The following SLC7A14 variants were observed in gnomAD, a reference collection of about 807,000 sequenced individuals.
SLC7A14 encodes solute carrier family 7 member 14.
A neutral mutation model predicts 60.2 loss-of-function variants in SLC7A14; 37 were observed. That is an observed-to-expected ratio of 0.61 (90% CI 0.47 to 0.81). The LOEUF is 0.81. Ranked by LOEUF, SLC7A14 falls within the 30% of genes least tolerant of loss-of-function variation. The probability of loss-of-function intolerance (pLI) is 0.00; values close to 1 mark genes in which losing one functional copy is unlikely to be tolerated. For missense variants in SLC7A14, 886 were observed against 982.7 expected (o/e 0.90, Z 1.32); for synonymous variants, 399 against 395.8 (o/e 1.01, Z -0.10).
chr3:170,479,706 T>C (rs1016380756), intron 7 of SLC7A14, among the ~76,000 whole-genome samples: 3 of 152,178 alleles, frequency 2.0e-5, no homozygotes, highest in African/African-American at 7.2e-5. Context: ...AGAAAGGACC[T>C]TGGGAAATAT....
chr3:170,537,753 GTTTA>G (rs1191403644), intron 1 of SLC7A14, among the ~76,000 whole-genome samples: 1 of 152,200 alleles, frequency 6.6e-6, no homozygotes, highest in Admixed American at 6.5e-5. Flanking sequence ...CGCTGAAGTG[GTTTA>G]TTTGAGGCCA....
intron 2 of SLC7A14, among the ~76,000 whole-genome samples, chr3:170,506,648 A>G (rs1214205224): frequency 6.6e-6 from 1 of 152,216 alleles, no homozygotes; most frequent in Non-Finnish European, 1.5e-5. Flanking sequence ...GCCTACATGC[A>G]ATGTTGACCT....
intron 1 of SLC7A14, among the ~76,000 whole-genome samples, chr3:170,540,346 T>C (rs1713983176): frequency 6.6e-6 from 1 of 152,158 alleles, no homozygotes; most frequent in African/African-American, 2.4e-5. Flanking sequence ...ATGTAGAAGT[T>C]CCATGTAGCT....
At chr3:170,526,527 G>T in intron 2 of SLC7A14, 106 bp downstream of exon 2, 1 of 1,383,324 alleles carries the variant, frequency 7.2e-7, no homozygotes, top group South Asian at 1.4e-5. Context: ...CCACTTTTCT[G>T]CCACTTCATA....
At chr3:170,531,401 T>C (rs1713676906) in intron 1 of SLC7A14, among the ~76,000 whole-genome samples, 1 of 152,058 alleles carries the variant, frequency 6.6e-6, no homozygotes, top group African/African-American at 2.4e-5. Context: ...AAACCAGCCT[T>C]TTTATGAAAG....
rs138193832 is a variant in SLC7A14, at chr3:170,516,161, CTGAAT to C, written c.304+10467_304+10471del. On this transcript the variant is annotated intron_variant, in intron 2 of 7. Transcript: ENST00000231706. ...TTCTATTAAAATGTGCTCACCTTCT[CTGAAT>C]TGGTTAACTGACATCCTTCCTACAG... Among the ~76,000 whole-genome samples the C allele has an allele frequency of 1.4e-4, 22 of 152,342 alleles. No individual in the cohort carries two copies. In the East Asian group the frequency reaches 4.1e-3, roughly 28 times the overall value.
chr3:170,559,629 ATGCCACAGTTTTTCTTT>A (rs1297721536), intron 1 of SLC7A14, among the ~76,000 whole-genome samples: 3 of 152,222 alleles, frequency 2.0e-5, no homozygotes, highest in African/African-American at 7.2e-5. Flanking sequence ...TTCTAATTAA[ATGCCACAGTTTTTCTTT>A]TAAAATTACT....
intron 1 of SLC7A14, among the ~76,000 whole-genome samples, chr3:170,527,959 A>G (rs1199060550): frequency 6.6e-6 from 1 of 152,210 alleles, no homozygotes; most frequent in East Asian, 1.9e-4. Context: ...ATTATAATGT[A>G]TTTAGTTTGG....
At chr3:170,502,690 A>G (rs949909104) in intron 2 of SLC7A14, 1 of 152,242 alleles carries the variant, frequency 6.6e-6, no homozygotes, top group Admixed American at 6.5e-5. Flanking sequence ...GAATAAAGAG[A>G]GCAGGTTTCT....
chr3:170,501,515 A>T (rs973555393), intron 2 of SLC7A14, among the ~76,000 whole-genome samples, 170 bp from the exon 3 acceptor site: 59 of 152,188 alleles, frequency 3.9e-4, no homozygotes, highest in African/African-American at 1.3e-3. Context: ...TTCCAACCTC[A>T]CTTCTGAAAA....
At chr3:170,504,876 T>C (rs1036536752) in intron 2 of SLC7A14, among the ~76,000 whole-genome samples, 1 of 152,146 alleles carries the variant, frequency 6.6e-6, no homozygotes, top group African/African-American at 2.4e-5. Context: ...TTTGGAAATA[T>C]GTGGGAGTGT....
rs960916236 is a variant in SLC7A14, at chr3:170,462,557, C to G, written c.*4498G>C. ...AGATTTATCATGACCATTATGTAGG[C>G]ATTTGATTAGCTACTAGTTTGTTAC... On this transcript the variant is annotated 3_prime_UTR_variant, in exon 8 of 8. Transcript: ENST00000231706. 1 of 152,218 alleles carries G rather than the reference C, an allele frequency of 6.6e-6. No individual in the cohort carries two copies. Among genetic ancestry groups the G allele is most frequent in the African/African-American group, 2.4e-5 (1 of 41,520 alleles). The allele number at this position is 152,218 out of a possible 1,614,324, so 9.4% of individuals were successfully genotyped here.
intron 2 of SLC7A14, among the ~76,000 whole-genome samples, chr3:170,505,651 C>T (rs942700666): frequency 2.6e-5 from 4 of 151,980 alleles, no homozygotes; most frequent in Non-Finnish European, 5.9e-5. Context: ...TTTGGGAGGG[C>T]GAGGCGGGTG....
chr3:170,511,714 T>A lies in SLC7A14; in HGVS notation c.305-10369A>T, dbSNP rs147087492. 3.6e-3 allele frequency among the ~76,000 whole-genome samples: 548 copies of A among 152,308 alleles called. 4 individuals are homozygous for A. The highest frequency in any genetic ancestry group is 0.012 in the African/African-American group (516 of 41,572). On this transcript the variant is annotated intron_variant, in intron 2 of 7. Coordinates refer to ENST00000231706, the MANE Select transcript of SLC7A14 (RefSeq NM_020949.3). ...GATAAAACAGGTTGGAAGCAAGTAT[T>A]GTTGGCTGATAGTTTTAGAGTCTCA...
At chr3:170,506,357 C>T (rs1044825181) in intron 2 of SLC7A14, among the ~76,000 whole-genome samples, 1 of 151,970 alleles carries the variant, frequency 6.6e-6, no homozygotes, top group Non-Finnish European at 1.5e-5. Context: ...ATTTCTATAC[C>T]CAGAACTATT....
intron 4 of SLC7A14, among the ~76,000 whole-genome samples, chr3:170,490,300 A>G (rs1712175290): frequency 6.6e-6 from 1 of 152,246 alleles, no homozygotes; most frequent in South Asian, 2.1e-4. Flanking sequence ...CCTTCTACAC[A>G]CACAGACACA....
At chr3:170,475,491 G>A (rs1343065603) in intron 7 of SLC7A14, among the ~76,000 whole-genome samples, 2 of 152,074 alleles carry the variant, frequency 1.3e-5, no homozygotes, top group Non-Finnish European at 2.9e-5. Flanking sequence ...AGACCATTAA[G>A]GATTTTATAG....
chr3:170,509,272 G>T (rs747760312), intron 2 of SLC7A14, among the ~76,000 whole-genome samples: 6 of 152,184 alleles, frequency 3.9e-5, no homozygotes, highest in Non-Finnish European at 8.8e-5. Context: ...GCAGGCGCCA[G>T]GTGGACAGTA....
intron 1 of SLC7A14, among the ~76,000 whole-genome samples, chr3:170,566,715 T>C (rs1714799214): frequency 6.6e-6 from 1 of 152,028 alleles, no homozygotes; most frequent in African/African-American, 2.4e-5. Flanking sequence ...TCACTCATCC[T>C]ACAGCCATTG....
Sources: allele counts gnomAD v4.1 joint callset (sites outside exome capture counted in the v4.1 genomes callset), GRCh38; gene constraint gnomAD v4.1.1; transcripts MANE v1.5; gene names NCBI Gene and HGNC (gene_info 2026-07-23, HGNC 2026-07-21).